The following DLG2 variants were observed in gnomAD, a reference collection of about 807,000 sequenced individuals.
DLG2 encodes the protein disks large homolog 2.
DLG2 carries 45 observed loss-of-function variants against 132.5 expected under a neutral mutation model. The observed-to-expected ratio is 0.34, with a 90% confidence interval of 0.27 to 0.44. The LOEUF (loss-of-function observed/expected upper bound fraction) is 0.44. Ranked by LOEUF, DLG2 falls within the 20% of genes least tolerant of loss-of-function variation. The pLI is 1.00. For synonymous variants in DLG2, 424 were observed against 419.6 expected, an observed-to-expected ratio of 1.01 and a Z score of -0.13; for missense variants, 1,045 against 1,196.9, an observed-to-expected ratio of 0.87 and a Z score of 1.87.
intron 4 of DLG2, among the ~76,000 whole-genome samples, chr11:85,233,010 C>T (rs917877367): frequency 2.6e-5 from 4 of 151,766 alleles, no homozygotes; most frequent in South Asian, 2.1e-4. Flanking sequence ...TCTTTCCATG[C>T]GTTATGTTTA....
At chr11:85,291,501 T>C (rs2078886963) in intron 3 of DLG2, among the ~76,000 whole-genome samples, 1 of 152,100 alleles carries the variant, frequency 6.6e-6, no homozygotes, top group Non-Finnish European at 1.5e-5. Context: ...ATTCATTTGG[T>C]TTTTGGTGAT....
chr11:85,533,910 T>A (rs982439062), intron 3 of DLG2, among the ~76,000 whole-genome samples: 8 of 152,202 alleles, frequency 5.3e-5, no homozygotes, highest in South Asian at 2.1e-4. Context: ...ATGTTTAAAT[T>A]CCATTTAAGG....
At position 85,530,077 on chromosome 11, in the gene DLG2, A is replaced by T. The variant is rs1187763482; in HGVS notation, c.40+68580T>A. ...AATGGCACAATCTCACCTCACCACA[A>T]CCTCCACCTCATGGGTTCAAGCGAT... On this transcript the variant is annotated intron_variant, in intron 3 of 27. Coordinates refer to ENST00000376104, the MANE Select transcript of DLG2 (RefSeq NM_001142699.3). Among the ~76,000 whole-genome samples the T allele has an allele frequency of 8.2e-5, 12 of 146,678 alleles. No homozygotes were observed. In the East Asian group the frequency reaches 2.2e-3, roughly 27 times the overall value.
intron 6 of DLG2, among the ~76,000 whole-genome samples, chr11:84,613,663 G>A (rs532321049): frequency 1.2e-4 from 19 of 152,264 alleles, no homozygotes; most frequent in Middle Eastern, 6.8e-3. Flanking sequence ...CAGATACAAT[G>A]CCTAATTGTC....
intron 6 of DLG2, chr11:85,021,321 T>C: frequency 7.9e-7 from 1 of 1,269,338 alleles, no homozygotes; most frequent in South Asian, 1.2e-5. Context: ...AGTCATAGTC[T>C]AAGTCGAAAG....
intron 6 of DLG2, chr11:85,021,695 C>G (rs987389680): frequency 2.1e-6 from 2 of 944,352 alleles, no homozygotes; most frequent in South Asian, 1.4e-5. Context: ...GAAAATGTGG[C>G]TGAAGATCAA....
At chr11:83,578,342 G>C (rs1442366034) in intron 19 of DLG2, among the ~76,000 whole-genome samples, 1 of 151,632 alleles carries the variant, frequency 6.6e-6, no homozygotes, top group Non-Finnish European at 1.5e-5. Context: ...CCTCCAAACA[G>C]ACATGCAAAG....
At chr11:84,318,226 A>C (rs2098379976) in intron 7 of DLG2, among the ~76,000 whole-genome samples, 1 of 152,206 alleles carries the variant, frequency 6.6e-6, no homozygotes, top group South Asian at 2.1e-4. Flanking sequence ...TTTTGTGTTA[A>C]ATTTTAGCAT....
chr11:85,201,003 G>A (rs1473839213), intron 4 of DLG2, among the ~76,000 whole-genome samples: 1 of 151,638 alleles, frequency 6.6e-6, no homozygotes, highest in African/African-American at 2.4e-5. Flanking sequence ...CATGGCTAAT[G>A]AGAATAAGCT....
At chr11:84,273,328 A>G in intron 7 of DLG2, 1 of 1,369,442 alleles carries the variant, frequency 7.3e-7, no homozygotes, top group Non-Finnish European at 9.4e-7. Flanking sequence ...AAAAAAAAAA[A>G]ACCCTGCAGA....
chr11:83,791,375 C>CT lies in DLG2; in HGVS notation c.1723-4584dup, dbSNP rs199692782. 946 of 674,320 alleles carry CT rather than the reference C, an allele frequency of 1.4e-3. 11 individuals carry two copies. In the East Asian group the frequency reaches 0.018, roughly 13 times the overall value. 41.8% of individuals were successfully genotyped at this position (674,320 alleles called of 1,614,324 possible). On this transcript the variant is annotated intron_variant, in intron 17 of 27. Coordinates refer to ENST00000376104, the MANE Select transcript of DLG2 (RefSeq NM_001142699.3). ...ATCAAGCTTTTGCTTTTTGATCTGT[C>CT]TTTTTTTTCTTTTCCACCTTTTTCG...
chr11:83,994,882 C>A (rs1220380936), intron 11 of DLG2, among the ~76,000 whole-genome samples: 1 of 152,032 alleles, frequency 6.6e-6, no homozygotes, highest in African/African-American at 2.4e-5. Context: ...GATTTGCTGG[C>A]AGTACTTGGC....
At chr11:83,754,192 G>A (rs958724061) in intron 18 of DLG2, among the ~76,000 whole-genome samples, 1 of 150,064 alleles carries the variant, frequency 6.7e-6, no homozygotes, top group Non-Finnish European at 1.5e-5. Flanking sequence ...CTTGACCCCC[G>A]CAAAAAACAA....
intron 10 of DLG2, among the ~76,000 whole-genome samples, chr11:84,095,471 G>A (rs1316978250): frequency 6.6e-6 from 1 of 152,140 alleles, no homozygotes; most frequent in East Asian, 1.9e-4. Context: ...CTTCTCCCAT[G>A]TCCTTAAGGA....
At chr11:84,594,577 G>A (rs982776928) in intron 6 of DLG2, among the ~76,000 whole-genome samples, 1 of 152,214 alleles carries the variant, frequency 6.6e-6, no homozygotes, top group African/African-American at 2.4e-5. Context: ...AATTGTGACT[G>A]AAATACGGAT....
At chr11:84,350,175 C>CA (rs1491107164) in intron 7 of DLG2, among the ~76,000 whole-genome samples, 54 of 121,768 alleles carry the variant, frequency 4.4e-4, no homozygotes, top group Non-Finnish European at 7.2e-4. Context: ...GAGACTTCGT[C>CA]CCCCCCCCCA....
intron 11 of DLG2, among the ~76,000 whole-genome samples, chr11:84,052,144 C>A (rs2096399298): frequency 6.6e-6 from 1 of 151,926 alleles, no homozygotes; most frequent in South Asian, 2.1e-4. Context: ...AAATCCCAAA[C>A]ATATATGTGC....
At chr11:85,205,313 A>G (rs1000185777) in intron 4 of DLG2, among the ~76,000 whole-genome samples, 3 of 152,058 alleles carry the variant, frequency 2.0e-5, no homozygotes, top group Admixed American at 1.3e-4. Flanking sequence ...GTTCTCAACC[A>G]TATTTGGGAG....
At chr11:85,402,134 CA>C in intron 3 of DLG2, among the ~76,000 whole-genome samples, 1 of 152,070 alleles carries the variant, frequency 6.6e-6, no homozygotes, top group East Asian at 1.9e-4. Context: ...GCACTGGTAC[CA>C]AAACAGAGAT....
Sources: allele counts gnomAD v4.1 joint callset (sites outside exome capture counted in the v4.1 genomes callset), GRCh38; gene constraint gnomAD v4.1.1; transcripts MANE v1.5; gene names NCBI Gene and HGNC (gene_info 2026-07-23, HGNC 2026-07-21).